The following NSD3 variants were observed in gnomAD, a reference collection of about 807,000 sequenced individuals.
NSD3 encodes nuclear receptor binding SET domain protein 3, also known as histone-lysine N-methyltransferase NSD3.
A neutral mutation model predicts 160.8 loss-of-function variants in NSD3; 24 were observed. The observed-to-expected ratio is 0.15, with a 90% CI of 0.11 to 0.21. The LOEUF is 0.21. NSD3 is among the 10% of genes least tolerant of loss of function. NSD3 has a pLI of 1.00. For synonymous variants in NSD3, 520 were observed against 600.0 expected (o/e 0.87, Z 1.95); for missense variants, 1,157 against 1,735.9 (o/e 0.67, Z 5.93).
rs1811498827 is a variant in NSD3, at chr8:38,380,102, C to G, written c.-45+1697G>C. Among the ~76,000 whole-genome samples, 5 of 152,166 alleles carry G rather than the reference C, an allele frequency of 3.3e-5. No homozygotes were observed. The South Asian group carries it at 1.0e-3, about 32-fold the overall frequency. Reference sequence around the variant, plus strand: ...AGAACTGCATGCCTACTTCACAGATCATTGCACTGTGCTGAACTGGCATCT... The same window carrying G: ...AGAACTGCATGCCTACTTCACAGATGATTGCACTGTGCTGAACTGGCATCT... On this transcript the variant is annotated intron_variant, in intron 1 of 23. Coordinates refer to ENST00000317025, the MANE Select transcript of NSD3 (RefSeq NM_023034.2).
chr8:38,375,016 T>A (rs889126823), intron 1 of NSD3, among the ~76,000 whole-genome samples: 4 of 152,074 alleles, frequency 2.6e-5, no homozygotes, highest in South Asian at 2.1e-4. Flanking sequence ...AAAAAAAATT[T>A]AAAAATAAAT....
At chr8:38,371,976 T>C (rs1811252120) in intron 1 of NSD3, among the ~76,000 whole-genome samples, 1 of 152,172 alleles carries the variant, frequency 6.6e-6, no homozygotes, top group South Asian at 2.1e-4. Flanking sequence ...CAAAAGAAAT[T>C]TGGTTCTCTT....
intron 1 of NSD3, among the ~76,000 whole-genome samples, chr8:38,375,004 GA>G (rs1052231412): frequency 1.3e-5 from 2 of 150,720 alleles, no homozygotes; most frequent in East Asian, 1.9e-4. Context: ...ACTCTGTCTC[GA>G]AAAAAAAATT....
rs538138911 is a variant in NSD3 at position 38,329,506 on chromosome 8, T to A, written c.1453A>T (p.Met485Leu). The A allele has an allele frequency of 6.2e-7, 1 of 1,614,222 alleles. No individual in the cohort carries two copies. Among genetic ancestry groups the A allele is most frequent in the South Asian group, 1.1e-5 (1 of 91,084 alleles). The change falls in exon 6 of 24, where the codon ATG becomes TTG. Residue 485 changes from methionine to leucine, a missense_variant. Coordinates refer to ENST00000317025, the MANE Select transcript of NSD3 (RefSeq NM_023034.2). The surrounding 1 kb of genome is among the most constrained non-coding windows in gnomAD (Gnocchi z 4.8). Reference sequence around the variant, plus strand: ...TGCAAATCCAGGCTCCCTTTGTGCATCGTAATGGAAGCTGGTAAGGATTTC... The same window carrying A: ...TGCAAATCCAGGCTCCCTTTGTGCAACGTAATGGAAGCTGGTAAGGATTTC... ...ARKSLPASITMHKGSLDLQKC... is the reference protein window; with the variant it reads ...ARKSLPASITLHKGSLDLQKC...
At position 38,270,934 on chromosome 8, in the gene NSD3, T is replaced by A. The variant is rs1808448446; in HGVS notation, c.*4707A>T. The A allele has an allele frequency of 6.6e-6, 1 of 152,124 alleles. No homozygotes were observed. The highest frequency in any genetic ancestry group is 2.1e-4 in the South Asian group (1 of 4,826). 9.4% of individuals were successfully genotyped at this position (152,124 alleles called of 1,614,324 possible). ...ACCAAAACAAAACAAAAAACAGAAA[T>A]GTTTTTTGAAAGACACGGATTACCC... On this transcript the variant is annotated 3_prime_UTR_variant, in exon 24 of 24. Coordinates refer to ENST00000317025, the MANE Select transcript of NSD3 (RefSeq NM_023034.2).
intron 1 of NSD3, among the ~76,000 whole-genome samples, chr8:38,351,135 C>A (rs1810689148): frequency 6.6e-6 from 1 of 151,356 alleles, no homozygotes; most frequent in Non-Finnish European, 1.5e-5. Context: ...CCATGCCCAG[C>A]TATTTTTTTT....
chr8:38,304,868 T>C, intron 13 of NSD3, 111 bp from the exon 14 acceptor site: 8 of 1,164,786 alleles, frequency 6.9e-6, no homozygotes, highest in African/African-American at 3.1e-5. Context: ...TTACAGTAGA[T>C]GGAAAGCATT....
At chr8:38,330,507 T>C (rs1032705760) in intron 5 of NSD3, among the ~76,000 whole-genome samples, 30 of 152,258 alleles carry the variant, frequency 2.0e-4, no homozygotes, top group African/African-American at 6.0e-4. Flanking sequence ...CAGAAGACTT[T>C]GGATTGGCAA....
At chr8:38,331,666 G>C (rs765389553) in intron 4 of NSD3, 81 bp from the exon 5 acceptor site, 147 of 1,460,824 alleles carry the variant, frequency 1.0e-4, no homozygotes, top group Admixed American at 1.9e-4. Context: ...TCTAACCCAG[G>C]TTCCTCAGTA....
At chr8:38,361,923 G>C (rs1388551797) in intron 1 of NSD3, among the ~76,000 whole-genome samples, 1 of 152,014 alleles carries the variant, frequency 6.6e-6, no homozygotes, top group African/African-American at 2.4e-5. Flanking sequence ...GTGGAAGAGA[G>C]AGGAGCTCCT....
chr8:38,316,627 A>G lies in NSD3; in HGVS notation c.1856-585T>C. ...GAAGTGGCATTTATTGTGACCATTA[A>G]CAAGCGCTGCAGCACATCTACATAT... On this transcript the variant is annotated intron_variant, in intron 9 of 23. Transcript: ENST00000317025. The surrounding 1 kb of genome is among the most constrained non-coding windows in gnomAD (Gnocchi z 4.5). The G allele has an allele frequency of 9.5e-7, 1 of 1,053,574 alleles. No individual in the cohort carries two copies. Among genetic ancestry groups the G allele is most frequent in the Non-Finnish European group, 1.1e-6 (1 of 871,928 alleles). The allele number at this position is 1,053,574 out of a possible 1,614,324, so 65.3% of individuals were successfully genotyped here.
At chr8:38,311,206 C>T (rs1809527283) in intron 12 of NSD3, among the ~76,000 whole-genome samples, 1 of 151,928 alleles carries the variant, frequency 6.6e-6, no homozygotes, top group Admixed American at 6.6e-5. Context: ...TGAGCCATTG[C>T]ACCTGGCCCC....
chr8:38,347,312 A>C (rs891028115), intron 2 of NSD3, among the ~76,000 whole-genome samples, 185 bp downstream of exon 2: 1 of 152,230 alleles, frequency 6.6e-6, no homozygotes, highest in African/African-American at 2.4e-5. Context: ...TTTCTTAACT[A>C]ATCATGTCCA....
intron 2 of NSD3, among the ~76,000 whole-genome samples, chr8:38,345,218 G>GGAGAGGGA (rs1554527761): frequency 8.8e-5 from 13 of 148,196 alleles, no homozygotes; most frequent in African/African-American, 3.0e-4. Flanking sequence ...AGAGGGAGAG[G>GGAGAGGGA]GAGAGAGAGA....
chr8:38,279,140 C>G (rs1352205433), intron 21 of NSD3, among the ~76,000 whole-genome samples: 1 of 152,170 alleles, frequency 6.6e-6, no homozygotes, highest in Non-Finnish European at 1.5e-5. Flanking sequence ...CAAAAGATCC[C>G]AGCAACTAAG....
At chr8:38,339,567 A>C (rs1165224129) in intron 2 of NSD3, among the ~76,000 whole-genome samples, 1 of 152,060 alleles carries the variant, frequency 6.6e-6, no homozygotes, top group Non-Finnish European at 1.5e-5. Context: ...TCTACTAAAA[A>C]CACTAAAAAT....
At position 38,331,478 on chromosome 8, in the gene NSD3, G is replaced by C; in HGVS notation, c.1018C>G (p.Leu340Val). ...CTGGCTTGTTTGGTTGCCTCAGCCA[G>C]TAATTCTTCATACTGTTTATGACCT... ...YKGHKQYEELLAEATKQASNH... is the reference protein window; with the variant it reads ...YKGHKQYEELVAEATKQASNH... Residue 340 changes from leucine (L) to valine (V), a missense_variant, in exon 5 of 24, where the codon CTG (leucine) becomes GTG (valine). By Grantham distance (32) the Leu-to-Val change is conservative (BLOSUM62 1). This residue lies in a region of NSD3 where 168 missense variants were observed against 208.1 expected (regional missense o/e 0.81). Transcript: ENST00000317025. The C allele has an allele frequency of 6.2e-7, 1 of 1,610,432 alleles. No individual in the cohort carries two copies. Among genetic ancestry groups the C allele is most frequent in the Non-Finnish European group, 8.5e-7 (1 of 1,178,422 alleles).
rs1010607865 is a variant in NSD3 at position 38,273,840 on chromosome 8, C to A, written c.*1801G>T. ...GAAGTACTGGAAGCCCAATGAGTCA[C>A]CGCAGAATTAATTGCTGGAGTCAGG... is the stretch of plus-strand genomic sequence containing the variant. On this transcript the variant is annotated 3_prime_UTR_variant, in exon 24 of 24. Coordinates refer to ENST00000317025, the MANE Select transcript of NSD3 (RefSeq NM_023034.2). 2.6e-5 allele frequency: 4 copies of A among 152,168 alleles called. No homozygotes were observed. Among genetic ancestry groups the A allele is most frequent in the Admixed American group, 2.0e-4 (3 of 15,268 alleles). 9.4% of individuals were successfully genotyped at this position (152,168 alleles called of 1,614,324 possible).
intron 7 of NSD3, among the ~76,000 whole-genome samples, chr8:38,325,040 G>A (rs1055002114): frequency 2.0e-5 from 3 of 152,222 alleles, no homozygotes; most frequent in African/African-American, 7.2e-5. Flanking sequence ...TGTAAAGAAA[G>A]GGCTTGTCTG....
Sources: gnomAD v4.1 joint callset for allele counts (sites outside exome capture counted in the v4.1 genomes callset) on GRCh38, gnomAD v4.1.1 for gene constraint, gnomAD v4.1.1 regional missense constraint, Gnocchi (gnomAD v3.1) non-coding constraint, MANE v1.5 for transcripts, NCBI Gene and HGNC (gene_info 2026-07-23, HGNC 2026-07-21) for gene names.